SSH1: variants seen among roughly 807,000 people sequenced by gnomAD.
SSH1 encodes the protein slingshot protein phosphatase 1.
A neutral mutation model predicts 79.7 loss-of-function variants in SSH1; 43 were observed. The observed-to-expected ratio is 0.54, with a 90% confidence interval of 0.42 to 0.70. SSH1 has a LOEUF of 0.70. SSH1 is among the 30% of genes least tolerant of loss of function. The pLI is 0.00. For synonymous variants in SSH1, 599 were observed against 538.3 expected, an observed-to-expected ratio of 1.11 and a Z score of -1.56; for missense variants, 1,206 against 1,358.8, an observed-to-expected ratio of 0.89 and a Z score of 1.77.
Position 108,788,879 on chromosome 12 carries a change from C to T in SSH1, c.2259G>A (p.Lys753=), listed in dbSNP as rs1382593650. The T allele has an allele frequency of 6.2e-7, 1 of 1,614,076 alleles. No homozygotes were observed. The highest frequency in any genetic ancestry group is 1.3e-5 in the African/African-American group (1 of 74,920). Residue 753 remains lysine (K), a synonymous_variant, in exon 15 of 15, where the codon AAG becomes AAA. Coordinates refer to ENST00000326495, the MANE Select transcript of SSH1 (RefSeq NM_018984.4). ...PSRETPKVLP[K]SLLLKNSHCD... ...AGTGAGAATTCTTCAAAAGGAGGGA[C>T]TTTGGCAGGACTTTTGGGGTCTCTC...
chr12:108,836,038 A>AATATTAATATAATCGATTATAACT (rs1566013114), intron 2 of SSH1, among the ~76,000 whole-genome samples: 4 of 138,236 alleles, frequency 2.9e-5, no homozygotes, highest in Admixed American at 7.3e-5. Context: ...CGATTATATT[A>AATATTAATATAATCGATTATAACT]ATATTAATAT....
rs3741781 is a variant in SSH1, at chr12:108,784,227, C to A, written c.*3761G>T. On this transcript the variant is annotated 3_prime_UTR_variant, in exon 15 of 15. Coordinates refer to ENST00000326495, the MANE Select transcript of SSH1 (RefSeq NM_018984.4). ...AATGGACTGCCCTCAGATAAGAGTG[C>A]ATTAGTCCAGGGCCGTGCTGAGGGT... 8,685 of 152,248 alleles carry A rather than the reference C, an allele frequency of 0.057. 502 individuals carry two copies. The highest frequency in any genetic ancestry group is 0.31 in the East Asian group (1,608 of 5,176). 9.4% of individuals were successfully genotyped at this position (152,248 alleles called of 1,614,324 possible).
chr12:108,802,644 CTCTCCG>C (rs1185300531), intron 10 of SSH1, among the ~76,000 whole-genome samples: 2 of 152,150 alleles, frequency 1.3e-5, no homozygotes, highest in Non-Finnish European at 2.9e-5. Flanking sequence ...GGAAAACCTG[CTCTCCG>C]TCTCCCCACT....
At chr12:108,842,684 T>A (rs974650880) in intron 2 of SSH1, among the ~76,000 whole-genome samples, 2 of 152,228 alleles carry the variant, frequency 1.3e-5, no homozygotes, top group Non-Finnish European at 2.9e-5. Flanking sequence ...GTTCTTCTGA[T>A]AAACTCCATT....
intron 2 of SSH1, among the ~76,000 whole-genome samples, chr12:108,837,880 T>C (rs1438288254): frequency 1.3e-5 from 2 of 151,760 alleles, no homozygotes; most frequent in Admixed American, 1.3e-4. Flanking sequence ...CCTCCCAGGC[T>C]CAAGCGATCC....
intron 2 of SSH1, among the ~76,000 whole-genome samples, chr12:108,843,018 C>T (rs1379005801): frequency 3.3e-5 from 5 of 152,194 alleles, no homozygotes; most frequent in African/African-American, 4.8e-5. Context: ...CACTTACCAA[C>T]ACACGATTAT....
chr12:108,793,283 CAT>C (rs2036596658), intron 13 of SSH1, among the ~76,000 whole-genome samples: 1 of 152,298 alleles, frequency 6.6e-6, no homozygotes, highest in African/African-American at 2.4e-5. Context: ...TATACACACA[CAT>C]AACGCACTGC....
chr12:108,813,351 T>C (rs749789004), intron 5 of SSH1, among the ~76,000 whole-genome samples: 10 of 152,060 alleles, frequency 6.6e-5, no homozygotes, highest in Admixed American at 2.0e-4. Context: ...CCTTCACCAA[T>C]GGCAAAACAC....
chr12:108,823,465 T>C (rs1213642974), intron 2 of SSH1, 104 bp from the exon 3 acceptor site: 1 of 900,774 alleles, frequency 1.1e-6, no homozygotes, highest in Admixed American at 2.0e-5. Context: ...AAATGGCATG[T>C]AAAATGCAAA....
rs1455878686 is a variant in SSH1, at chr12:108,788,834, G to A, written c.2304C>T (p.Ser768=). 6 of 1,614,088 alleles carry A rather than the reference G, an allele frequency of 3.7e-6. No homozygotes were observed. The highest frequency in any genetic ancestry group is 5.1e-6 in the Non-Finnish European group (6 of 1,180,046). Reference sequence around the variant, plus strand: ...ATTCTTCCTTTATTACCACTTCTGTGCTGGGAGGGTTCTTATCACAGTGAG... The same window carrying A: ...ATTCTTCCTTTATTACCACTTCTGTACTGGGAGGGTTCTTATCACAGTGAG... ...KNSHCDKNPP[S]TEVVIKEESS... is the part of the protein sequence containing the mutation. The change falls in exon 15 of 15, where the codon AGC becomes AGT. Residue 768 remains serine, a synonymous_variant. Transcript: ENST00000326495.
chr12:108,838,279 G>A (rs2038689333), intron 2 of SSH1, among the ~76,000 whole-genome samples: 1 of 152,124 alleles, frequency 6.6e-6, no homozygotes, highest in African/African-American at 2.4e-5. Flanking sequence ...CCCTGCCTCA[G>A]CACTGTTTGC....
chr12:108,856,324 G>C (rs2039142494), intron 1 of SSH1, among the ~76,000 whole-genome samples: 1 of 152,208 alleles, frequency 6.6e-6, no homozygotes, highest in African/African-American at 2.4e-5. Flanking sequence ...GACAAGCCAG[G>C]CCAACCCTGC....
At chr12:108,804,989 A>C in intron 10 of SSH1, 67 bp downstream of exon 10, 1 of 1,583,050 alleles carries the variant, frequency 6.3e-7, no homozygotes, top group Non-Finnish European at 8.6e-7. Context: ...CTTGCTACAA[A>C]CTCTTAAACA....
In SSH1 at chr12:108,788,115, G is replaced by A. The variant is rs756141505; in HGVS notation, c.3023C>T (p.Thr1008Ile). ...PSTVADSQDT[T>I]LSESSFLHEP... ...ATGCAAGAAGGAAGATTCACTCAAA[G>A]TGGTGTCCTGGGAGTCAGCGACGGT... is the stretch of plus-strand genomic sequence containing the variant. The change falls in exon 15 of 15, where the codon ACT becomes ATT. Residue 1008 changes from threonine (T) to isoleucine (I), a missense_variant. By Grantham distance (89) the Thr-to-Ile change is moderately conservative. This residue lies in a region of SSH1 where 709 missense variants were observed against 730.6 expected (regional missense o/e 0.97). Transcript: ENST00000326495. 49 of 1,614,012 alleles carry A rather than the reference G, an allele frequency of 3.0e-5. No homozygotes were observed. Among genetic ancestry groups the A allele is most frequent in the Non-Finnish European group, 3.7e-5 (44 of 1,180,022 alleles).
intron 2 of SSH1, among the ~76,000 whole-genome samples, chr12:108,843,149 T>C (rs2038818956): frequency 6.6e-6 from 1 of 152,116 alleles, no homozygotes; most frequent in Non-Finnish European, 1.5e-5. Flanking sequence ...TGGCACACAG[T>C]AGGAGCTCAA....
chr12:108,788,174 T>C lies in SSH1; in HGVS notation c.2964A>G (p.Ser988=), dbSNP rs2136954537. ...SLAKLGSLTF[S]TEDLSSEADP... ...CAGCCTCACTGGACAGGTCTTCCGT[T>C]GAGAAGGTGAGACTCCCCAGCTTGG... is the stretch of plus-strand genomic sequence containing the variant. The change falls in exon 15 of 15, where the codon TCA becomes TCG. Residue 988 remains serine, a synonymous_variant. Transcript: ENST00000326495. The C allele has an allele frequency of 6.2e-7, 1 of 1,614,020 alleles. No homozygotes were observed. The highest frequency in any genetic ancestry group is 1.3e-5 in the African/African-American group (1 of 74,968).
At chr12:108,800,309 C>T (rs2036935095) in intron 12 of SSH1, among the ~76,000 whole-genome samples, 1 of 152,156 alleles carries the variant, frequency 6.6e-6, no homozygotes, top group South Asian at 2.1e-4. Context: ...TTTCATGCGA[C>T]AGTAACTCAG....
Position 108,787,683 on chromosome 12 carries a change from C to A in SSH1, c.*305G>T, listed in dbSNP as rs941601409. 1 of 433,698 alleles carries A rather than the reference C, an allele frequency of 2.3e-6. No individual in the cohort carries two copies. The highest frequency in any genetic ancestry group is 2.2e-5 in the South Asian group (1 of 46,328). The allele number at this position is 433,698 out of a possible 1,614,324, so 26.9% of individuals were successfully genotyped here. A position where few individuals can be genotyped will look rare whatever the true frequency, so the allele number is the denominator to read the frequency against. On this transcript the variant is annotated 3_prime_UTR_variant, in exon 15 of 15. Transcript: ENST00000326495. ...GCGAAGGGAACAGTCTGGATGTGTG[C>A]GCCTATGTGTGCACGTTCTTCCTAA...
intron 6 of SSH1, 66 bp from the exon 7 acceptor site, chr12:108,809,824 C>T: frequency 1.4e-6 from 2 of 1,431,114 alleles, no homozygotes; most frequent in South Asian, 1.1e-5. Context: ...TGAAATCACT[C>T]TGGGAGGAGG....
Sources: gnomAD v4.1 joint callset for allele counts (sites outside exome capture counted in the v4.1 genomes callset) on GRCh38, gnomAD v4.1.1 for gene constraint, gnomAD v4.1.1 regional missense constraint, MANE v1.5 for transcripts, NCBI Gene and HGNC (gene_info 2026-07-23, HGNC 2026-07-21) for gene names.